TMEM135: variants seen among roughly 807,000 people sequenced by gnomAD.
TMEM135 encodes peroxisomal membrane protein 52.
In TMEM135, 30 loss-of-function variants were observed where a neutral mutation model predicts 60.3. The observed-to-expected ratio is 0.50, with a 90% CI of 0.37 to 0.68. The LOEUF (loss-of-function observed/expected upper bound fraction) is 0.68, where lower values mean the gene tolerates loss of function less well. Ranked by LOEUF, TMEM135 falls within the 30% of genes least tolerant of loss-of-function variation. TMEM135 has a pLI of 0.00. For synonymous variants in TMEM135, 190 were observed against 186.7 expected, an observed-to-expected ratio of 1.02 and a Z score of -0.14; for missense variants, 468 against 548.8, an observed-to-expected ratio of 0.85 and a Z score of 1.47.
At chr11:87,080,267 G>T (rs12273408) in intron 3 of TMEM135, among the ~76,000 whole-genome samples, 7 of 144,304 alleles carry the variant, frequency 4.9e-5, no homozygotes, top group African/African-American at 7.8e-5. Context: ...GACATGTTTT[G>T]GGCCAGGTAA....
intron 5 of TMEM135, among the ~76,000 whole-genome samples, chr11:87,206,864 G>C (rs1335008360): frequency 6.6e-6 from 1 of 151,966 alleles, no homozygotes; most frequent in Non-Finnish European, 1.5e-5. Context: ...GTGCCTAGAG[G>C]CTTTATTTTT....
chr11:87,267,734 C>G (rs913706358), intron 6 of TMEM135, among the ~76,000 whole-genome samples: 4 of 151,570 alleles, frequency 2.6e-5, no homozygotes, highest in African/African-American at 9.7e-5. Context: ...AGTCTGTTGC[C>G]CAGGCTGGAG....
intron 5 of TMEM135, among the ~76,000 whole-genome samples, chr11:87,175,987 A>G (rs143747817): frequency 2.6e-4 from 40 of 152,306 alleles, no homozygotes; most frequent in African/African-American, 9.6e-4. Context: ...ACATATGTGT[A>G]TGGCCAAATG....
intron 5 of TMEM135, among the ~76,000 whole-genome samples, chr11:87,160,047 T>A (rs1938827092): frequency 6.6e-6 from 1 of 152,142 alleles, no homozygotes; most frequent in Admixed American, 6.5e-5. Flanking sequence ...AAATATTTGT[T>A]AAGCGGGGAT....
rs949845588 is a variant in TMEM135 at position 87,106,676 on chromosome 11, C to G, written c.396+15281C>G. 2.6e-5 allele frequency among the ~76,000 whole-genome samples: 4 copies of G among 152,086 alleles called. No homozygotes were observed. The East Asian group carries it at 5.8e-4, about 22-fold the overall frequency. ...AGTGTTTATTAGAATTCACCAGGTC[C>G]TTGGATTTTCTTTGATGGGAAACTT... is the stretch of plus-strand genomic sequence containing the variant. On this transcript the variant is annotated intron_variant, in intron 4 of 14. Coordinates refer to ENST00000305494, the MANE Select transcript of TMEM135 (RefSeq NM_022918.4).
chr11:87,239,254 G>C (rs1341779056), intron 6 of TMEM135, among the ~76,000 whole-genome samples: 2 of 151,978 alleles, frequency 1.3e-5, no homozygotes, highest in African/African-American at 4.8e-5. Context: ...CTGAGGAAAG[G>C]GGTTGTTTTT....
At chr11:87,239,314 G>T (rs868845852) in intron 6 of TMEM135, among the ~76,000 whole-genome samples, 58 of 152,020 alleles carry the variant, frequency 3.8e-4, no homozygotes, top group African/African-American at 1.3e-3. Context: ...GCAGAAGTTT[G>T]TTTGAATAGC....
chr11:87,263,811 G>A (rs537782436), intron 6 of TMEM135, among the ~76,000 whole-genome samples: 1 of 151,936 alleles, frequency 6.6e-6, no homozygotes, highest in East Asian at 1.9e-4. Flanking sequence ...AGACAGAAGT[G>A]GAATTTTTGC....
intron 6 of TMEM135, among the ~76,000 whole-genome samples, chr11:87,239,186 A>G (rs530571451): frequency 2.0e-5 from 3 of 152,194 alleles, no homozygotes; most frequent in African/African-American, 7.2e-5. Flanking sequence ...ACAGTTTAAA[A>G]TACTTTCCAG....
chr11:87,110,870 A>G (rs1449940610), intron 4 of TMEM135, among the ~76,000 whole-genome samples: 1 of 152,136 alleles, frequency 6.6e-6, no homozygotes, highest in African/African-American at 2.4e-5. Flanking sequence ...GGAGGAAGTA[A>G]TATTTAGGTT....
intron 8 of TMEM135, among the ~76,000 whole-genome samples, chr11:87,302,671 G>T (rs1942469845): frequency 2.6e-5 from 4 of 152,182 alleles, no homozygotes; most frequent in Admixed American, 2.6e-4. Context: ...CATAAAATTG[G>T]AATACTTTTG....
intron 1 of TMEM135, 114 bp from the exon 2 acceptor site, chr11:87,067,580 A>G (rs1856691383): frequency 2.9e-6 from 4 of 1,388,992 alleles, no homozygotes. Context: ...GTGAAATGCC[A>G]GCATTTTTAC....
chr11:87,110,351 T>G (rs1335353837), intron 4 of TMEM135, among the ~76,000 whole-genome samples: 1 of 152,126 alleles, frequency 6.6e-6, no homozygotes, highest in East Asian at 1.9e-4. Flanking sequence ...TAGACCTAGC[T>G]ACTTGGGAGG....
chr11:87,264,593 T>A (rs973595331), intron 6 of TMEM135, among the ~76,000 whole-genome samples: 20 of 151,930 alleles, frequency 1.3e-4, no homozygotes, highest in African/African-American at 4.8e-4. Context: ...TGAAATGTAT[T>A]CAGATATGTA....
chr11:87,252,809 T>TGA (rs1941446810), intron 6 of TMEM135, among the ~76,000 whole-genome samples: 1 of 150,628 alleles, frequency 6.6e-6, no homozygotes, highest in Non-Finnish European at 1.5e-5. Flanking sequence ...TGTGTGTGTG[T>TGA]GTGTGTGTGT....
intron 5 of TMEM135, among the ~76,000 whole-genome samples, chr11:87,176,419 C>T (rs964530856): frequency 6.6e-6 from 1 of 151,936 alleles, no homozygotes; most frequent in African/African-American, 2.4e-5. Context: ...CAAATGAATC[C>T]CTTTTTAAAA....
chr11:87,147,877 C>A (rs1023323269), intron 4 of TMEM135, among the ~76,000 whole-genome samples: 4 of 152,214 alleles, frequency 2.6e-5, no homozygotes, highest in Non-Finnish European at 5.9e-5. Context: ...CCTGCCTCAG[C>A]CTCCCGAGTA....
intron 5 of TMEM135, among the ~76,000 whole-genome samples, chr11:87,211,166 G>A (rs1438854672): frequency 6.6e-6 from 1 of 152,062 alleles, no homozygotes; most frequent in Non-Finnish European, 1.5e-5. Flanking sequence ...TCTGAGAGCA[G>A]GTCATACACA....
intron 5 of TMEM135, among the ~76,000 whole-genome samples, chr11:87,220,100 A>G (rs1399009692): frequency 6.6e-6 from 1 of 152,178 alleles, no homozygotes; most frequent in African/African-American, 2.4e-5. Flanking sequence ...TTATATAAAA[A>G]TGAAATCATG....
Sources: gnomAD v4.1 joint callset for allele counts (sites outside exome capture counted in the v4.1 genomes callset) on GRCh38, gnomAD v4.1.1 for gene constraint, MANE v1.5 for transcripts, NCBI Gene and HGNC (gene_info 2026-07-23, HGNC 2026-07-21) for gene names.